The following ECD variants were observed in gnomAD, a reference collection of about 807,000 sequenced individuals.
ECD encodes the protein ecdysoneless cell cycle regulator, also known as protein ecdysoneless homolog.
In ECD, 59 loss-of-function variants were observed where a neutral mutation model predicts 77.2. That is an observed-to-expected ratio of 0.76 (90% CI 0.62 to 0.95). The LOEUF (loss-of-function observed/expected upper bound fraction) is 0.95, where lower values mean the gene tolerates loss of function less well. Among genes scored for constraint, ECD ranks in the 40% least tolerant of loss-of-function variants. ECD has a pLI of 0.00. For missense variants in ECD, 704 were observed against 763.4 expected (o/e 0.92, Z 0.92); for synonymous variants, 233 against 267.4 (o/e 0.87, Z 1.26).
intron 6 of ECD, among the ~76,000 whole-genome samples, chr10:73,152,755 T>C (rs1843230459): frequency 6.6e-6 from 1 of 151,584 alleles, no homozygotes; most frequent in African/African-American, 2.4e-5. Flanking sequence ...CTACTAAAAA[T>C]ACAAAAATAA....
At chr10:73,152,641 G>A (rs976772275) in intron 6 of ECD, among the ~76,000 whole-genome samples, 2 of 151,948 alleles carry the variant, frequency 1.3e-5, no homozygotes, top group African/African-American at 2.4e-5. Flanking sequence ...GCCAGGCATG[G>A]TGGTTCATGC....
intron 9 of ECD, among the ~76,000 whole-genome samples, 182 bp from the exon 10 acceptor site, chr10:73,139,919 A>G (rs1843030689): frequency 6.6e-6 from 1 of 151,294 alleles, no homozygotes; most frequent in African/African-American, 2.4e-5. Context: ...CCTGGGTTCA[A>G]ATGATCCTCC....
At chr10:73,139,846 A>AG in intron 9 of ECD, 109 bp from the exon 10 acceptor site, 1 of 471,138 alleles carries the variant, frequency 2.1e-6, no homozygotes, top group South Asian at 3.4e-5. Context: ...TAATTTGGGG[A>AG]GTGTTTTTTT....
chr10:73,136,700 A>C lies in ECD; in HGVS notation c.1704+4T>G, dbSNP rs767079348. 8 of 1,612,486 alleles carry C rather than the reference A, an allele frequency of 5.0e-6. No individual in the cohort carries two copies. On this transcript the variant is annotated splice_donor_region_variant and intron_variant, in intron 13 of 13. Transcript: ENST00000372979. ...AAAGAGAAAGAGGTTAAAAACACAC[A>C]TACCACTTGGTTCCTAGTGGTGAAA...
Position 73,154,381 on chromosome 10 carries a change from C to T in ECD, c.658G>A (p.Val220Met). The change falls in exon 6 of 14, where the codon GTG (valine) becomes ATG (methionine). Residue 220 changes from valine (V) to methionine (M), a missense_variant. Transcript: ENST00000372979. ...HCFLPAGIVA[V>M]LKQRPRLVAA... is the part of the protein sequence containing the mutation. ...ACCAATCTGGGGCGCTGCTTTAGCACTGCCACAATGCCAGCTGGAAGGAAG... is the reference window on the plus strand; with the variant it reads ...ACCAATCTGGGGCGCTGCTTTAGCATTGCCACAATGCCAGCTGGAAGGAAG... The T allele has an allele frequency of 4.3e-6, 7 of 1,614,126 alleles. No individual in the cohort carries two copies. Among genetic ancestry groups the T allele is most frequent in the Non-Finnish European group, 5.9e-6 (7 of 1,180,028 alleles).
Position 73,158,312 on chromosome 10 carries a change from C to T in ECD, c.324-1657G>A, listed in dbSNP as rs374056638. On this transcript the variant is annotated intron_variant, in intron 3 of 13. Coordinates refer to ENST00000372979, the MANE Select transcript of ECD (RefSeq NM_007265.3). ...GCTAAGGCAGTAGATTTTAAATGTTCGCACCACACACAAAAAAATAAGTAT... is the reference window on the plus strand; with the variant it reads ...GCTAAGGCAGTAGATTTTAAATGTTTGCACCACACACAAAAAAATAAGTAT... Among the ~76,000 whole-genome samples, 47 of 152,002 alleles carry T rather than the reference C, an allele frequency of 3.1e-4. No homozygotes were observed. The East Asian group carries it at 8.5e-3, about 28-fold the overall frequency.
chr10:73,161,378 G>T, intron 2 of ECD, among the ~76,000 whole-genome samples: 1 of 151,650 alleles, frequency 6.6e-6, no homozygotes. Flanking sequence ...AGAGGGGACA[G>T]TACAACTTAT....
At chr10:73,149,770 A>C (rs567635099) in intron 7 of ECD, among the ~76,000 whole-genome samples, 1 of 152,296 alleles carries the variant, frequency 6.6e-6, no homozygotes, top group Non-Finnish European at 1.5e-5. Flanking sequence ...GTTTTGCCAA[A>C]ATGTTCTCCT....
Position 73,154,346 on chromosome 10 carries a change from T to C in ECD, c.693A>G (p.Ala231=), listed in dbSNP as rs1843266623. 6.2e-7 allele frequency: 1 copy of C among 1,614,178 alleles called. No homozygotes were observed. The highest frequency in any genetic ancestry group is 2.2e-5 in the East Asian group (1 of 44,884). The change falls in exon 6 of 14, where the codon GCA becomes GCG. Residue 231 remains alanine, a synonymous_variant. Coordinates refer to ENST00000372979, the MANE Select transcript of ECD (RefSeq NM_007265.3). ...LKQRPRLVAA[A]VQAFYLRDPI... ...GGTCTCGTAGGTAAAATGCCTGGAC[T>C]GCTGCAGCCACCAATCTGGGGCGCT...
intron 1 of ECD, among the ~76,000 whole-genome samples, chr10:73,165,601 C>T (rs1414363020): frequency 6.6e-6 from 1 of 150,524 alleles, no homozygotes; most frequent in African/African-American, 2.5e-5. Flanking sequence ...CCACCTGCCT[C>T]GGCCTCCCAA....
At chr10:73,162,593 C>T (rs1372525259) in intron 2 of ECD, among the ~76,000 whole-genome samples, 1 of 152,012 alleles carries the variant, frequency 6.6e-6, no homozygotes, top group Non-Finnish European at 1.5e-5. Flanking sequence ...ATAACAGATA[C>T]GCACTAAACT....
At chr10:73,142,903 TAGAA>T (rs1843077214) in intron 9 of ECD, among the ~76,000 whole-genome samples, 1 of 152,150 alleles carries the variant, frequency 6.6e-6, no homozygotes, top group Non-Finnish European at 1.5e-5. Context: ...AAAACTTCCT[TAGAA>T]AGGCCTTCCT....
chr10:73,165,455 G>T (rs187003212), intron 1 of ECD, among the ~76,000 whole-genome samples: 1 of 151,500 alleles, frequency 6.6e-6, no homozygotes, highest in African/African-American at 2.4e-5. Context: ...AGGTTCAAGC[G>T]ATTCTTTTGC....
chr10:73,134,337 GA>G lies in ECD; in HGVS notation c.*245del. ...GGTATGTCTTTAGCATGAAGTGTGT[GA>G]ATTTCATCTCAAGGTTGTCTAGGGG... On this transcript the variant is annotated 3_prime_UTR_variant, in exon 14 of 14. Transcript: ENST00000372979. The G allele has an allele frequency of 2.1e-6, 1 of 474,296 alleles. No homozygotes were observed. Among genetic ancestry groups the G allele is most frequent in the African/African-American group, 1.9e-5 (1 of 51,946 alleles). 29.4% of individuals were successfully genotyped at this position (474,296 alleles called of 1,614,324 possible).
intron 7 of ECD, among the ~76,000 whole-genome samples, chr10:73,151,462 C>T (rs1030296002): frequency 1.3e-5 from 2 of 151,330 alleles, no homozygotes; most frequent in East Asian, 3.9e-4. Context: ...ACCAACATGG[C>T]GCGTGTATAC....
chr10:73,137,672 A>C (rs1176811232), intron 12 of ECD, among the ~76,000 whole-genome samples: 1 of 151,688 alleles, frequency 6.6e-6, no homozygotes, highest in African/African-American at 2.4e-5. Context: ...GTTACTCAGG[A>C]GGCTGAGGCA....
chr10:73,150,446 T>G (rs1736119637), intron 7 of ECD, among the ~76,000 whole-genome samples: 1 of 152,172 alleles, frequency 6.6e-6, no homozygotes. Flanking sequence ...GGCAGTACCA[T>G]TCAGGACATA....
At chr10:73,160,933 C>G (rs1318452477) in intron 2 of ECD, among the ~76,000 whole-genome samples, 1 of 152,116 alleles carries the variant, frequency 6.6e-6, no homozygotes, top group African/African-American at 2.4e-5. Context: ...CTGGGAATAC[C>G]AGGACGCTAG....
At chr10:73,145,010 A>G (rs1843105120) in intron 9 of ECD, among the ~76,000 whole-genome samples, 1 of 152,198 alleles carries the variant, frequency 6.6e-6, no homozygotes, top group South Asian at 2.1e-4. Flanking sequence ...GACATTATAC[A>G]TGTAATCACA....
Sources: allele counts gnomAD v4.1 joint callset (sites outside exome capture counted in the v4.1 genomes callset), GRCh38; gene constraint gnomAD v4.1.1; transcripts MANE v1.5; gene names NCBI Gene and HGNC (gene_info 2026-07-23, HGNC 2026-07-21).